MZF1: variants seen among roughly 807,000 people sequenced by gnomAD.
The protein encoded by MZF1 is myeloid zinc finger 1.
MZF1 carries 24 observed loss-of-function variants against 28.6 expected under a neutral mutation model. The observed-to-expected ratio is 0.84, with a 90% confidence interval of 0.61 to 1.18. The LOEUF (loss-of-function observed/expected upper bound fraction) is 1.18. MZF1 is among the 50% of genes most tolerant of loss of function. The pLI is 0.00. For synonymous variants in MZF1, 516 were observed against 432.5 expected, an observed-to-expected ratio of 1.19 and a Z score of -2.40; for missense variants, 1,166 against 1,026.4, an observed-to-expected ratio of 1.14 and a Z score of -1.86.
At position 58,561,998 on chromosome 19, in the gene MZF1, TA is replaced by T; in HGVS notation, c.*73del. ...CTGGGCGGACCTGCTTATACTTATG[TA>T]ATCGCCAGCCTCACAATAACCAGGG... is the stretch of plus-strand genomic sequence containing the variant. On this transcript the variant is annotated 3_prime_UTR_variant, in exon 6 of 6. Transcript: ENST00000215057. The T allele has an allele frequency of 1.4e-6, 2 of 1,449,782 alleles. No homozygotes were observed. The highest frequency in any genetic ancestry group is 9.3e-7 in the Non-Finnish European group (1 of 1,078,090). The allele number at this position is 1,449,782 out of a possible 1,614,324, so 89.8% of individuals were successfully genotyped here. A position where few individuals can be genotyped will look rare whatever the true frequency, so the allele number is the denominator to read the frequency against.
Position 58,562,756 on chromosome 19 carries a change from G to GA in MZF1, c.1520_1521insT (p.Thr508HisfsTer122), listed in dbSNP as rs1404548777. The GA allele has an allele frequency of 6.5e-7, 1 of 1,536,014 alleles. No homozygotes were observed. The highest frequency in any genetic ancestry group is 8.7e-7 in the Non-Finnish European group (1 of 1,147,262). On this transcript the variant is annotated frameshift_variant, in exon 6 of 6. Coordinates refer to ENST00000215057, the MANE Select transcript of MZF1 (RefSeq NM_198055.2). LOFTEE classifies it low-confidence loss of function (END_TRUNC). Reference sequence around the variant, plus strand: ...CGCAGCCAAAGGACTTGTCGCCCGTGTGTACCGCCTGGTGCTCCAGCAGCA... The same window carrying GA: ...CGCAGCCAAAGGACTTGTCGCCCGTGATGTACCGCCTGGTGCTCCAGCAGCA...
At chr19:58,570,727 G>A in intron 2 of MZF1, 200 bp from the exon 3 acceptor site, 1 of 673,448 alleles carries the variant, frequency 1.5e-6, no homozygotes, top group Admixed American at 2.9e-5. Context: ...CCCCTGCTCT[G>A]ACATCGTGGC....
intron 5 of MZF1, chr19:58,563,965 T>A (rs1353251777): frequency 1.3e-5 from 2 of 156,386 alleles, no homozygotes; most frequent in African/African-American, 4.8e-5. Flanking sequence ...ACAGACTTCA[T>A]GAAGGCTGTG....
chr19:58,569,162 G>C, intron 5 of MZF1, 115 bp downstream of exon 5: 3 of 1,354,158 alleles, frequency 2.2e-6, no homozygotes, highest in Non-Finnish European at 3.0e-6. Context: ...AGGGAATGGG[G>C]GAACTTGGGG....
At chr19:58,563,586 A>G in intron 5 of MZF1, 82 bp from the exon 6 acceptor site, 1 of 1,194,798 alleles carries the variant, frequency 8.4e-7, no homozygotes, top group Non-Finnish European at 1.1e-6. Context: ...ACACAGTGTG[A>G]ACTACAGGGA....
rs1257443350 is a variant in MZF1, at chr19:58,562,944, A to T, written c.1333T>A (p.Cys445Ser). Residue 445 changes from cysteine to serine, a missense_variant, in exon 6 of 6, where the codon TGC becomes AGC. Physicochemically the swap from Cys to Ser is moderately radical, Grantham distance 112 (BLOSUM62 -1). Coordinates refer to ENST00000215057, the MANE Select transcript of MZF1 (RefSeq NM_198055.2). ...TGEQPFRCAE[C>S]GQSFRQRSNL... The stretch of plus-strand genomic sequence containing the variant: ...GAGCGCTGCCGGAAGCTCTGGCCGC[A>T]CTCAGCGCAACGGAAAGGCTGTTCG... 1 of 1,598,358 alleles carries T rather than the reference A, an allele frequency of 6.3e-7. No individual in the cohort carries two copies. The highest frequency in any genetic ancestry group is 2.2e-5 in the East Asian group (1 of 44,740).
At chr19:58,572,270 G>A (rs1438727910) in intron 1 of MZF1, among the ~76,000 whole-genome samples, 1 of 152,038 alleles carries the variant, frequency 6.6e-6, no homozygotes, top group Non-Finnish European at 1.5e-5. Flanking sequence ...GTCAACCTGT[G>A]CAGTCACTTG....
intron 3 of MZF1, 31 bp downstream of exon 3, chr19:58,570,313 C>A: frequency 6.4e-7 from 1 of 1,574,608 alleles, no homozygotes; most frequent in Non-Finnish European, 8.6e-7. Flanking sequence ...CCCAACCAGA[C>A]CTTAGGCGCG....
At chr19:58,564,898 GTGTGTTTTTTTTTTTTTT>G (rs1223988963) in intron 5 of MZF1, among the ~76,000 whole-genome samples, 16 of 91,950 alleles carry the variant, frequency 1.7e-4, no homozygotes, top group African/African-American at 8.4e-4. Flanking sequence ...GCATCCATGT[GTGTGTTTTTTTTTTTTTT>G]TTTTTTTTTT....
Position 58,569,503 on chromosome 19 carries a change from G to T in MZF1, c.651+13C>A. The T allele has an allele frequency of 6.2e-7, 1 of 1,612,604 alleles. No homozygotes were observed. The highest frequency in any genetic ancestry group is 2.2e-5 in the East Asian group (1 of 44,872). On this transcript the variant is annotated intron_variant, in intron 4 of 5. Transcript: ENST00000215057. ...AGGGAAAGGAGGAGAACATGGACCT[G>T]GGCAGGACTTACCTGGGCCTCCTCA...
intron 3 of MZF1, 80 bp downstream of exon 3, chr19:58,570,264 G>T: frequency 7.0e-7 from 1 of 1,423,194 alleles, no homozygotes; most frequent in Non-Finnish European, 9.5e-7. Context: ...TGGCCCAGTG[G>T]ACTTCAGACT....
intron 5 of MZF1, among the ~76,000 whole-genome samples, chr19:58,565,889 C>A (rs1361198116): frequency 6.8e-6 from 1 of 147,966 alleles, no homozygotes; most frequent in Non-Finnish European, 1.5e-5. Context: ...GCCTGTAATC[C>A]CAGCACTTTG....
chr19:58,568,722 A>C (rs2054101859), intron 5 of MZF1: 1 of 152,698 alleles, frequency 6.5e-6, no homozygotes, highest in Admixed American at 6.5e-5. Flanking sequence ...GGGTCTCAGG[A>C]ACAGGAAGGA....
At chr19:58,569,251 G>C in intron 5 of MZF1, 26 bp downstream of exon 5, 1 of 1,570,268 alleles carries the variant, frequency 6.4e-7, no homozygotes, top group South Asian at 1.2e-5. Context: ...GGAAGGCCTA[G>C]TCCCACCACA....
chr19:58,562,404 AGGGCTTTTCGCCGGTGTGT>A lies in MZF1; in HGVS notation c.1854_1872del (p.His619ThrfsTer137), dbSNP rs746607268. 5.6e-6 allele frequency: 9 copies of A among 1,609,394 alleles called. No homozygotes were observed. Among genetic ancestry groups the A allele is most frequent in the Non-Finnish European group, 7.6e-6 (9 of 1,178,376 alleles). ...CCCAGGCCGCACTCACCGCAGTGGT[AGGGCTTTTCGCCGGTGTGT>A]GTCCTCTGATGACGCGTGAGCTTGA... On this transcript the variant is annotated frameshift_variant, in exon 6 of 6. Transcript: ENST00000215057. LOFTEE classifies it low-confidence loss of function (END_TRUNC).
In MZF1 at chr19:58,562,736, C is replaced by T; in HGVS notation, c.1541G>A (p.Gly514Asp). 1 of 1,535,918 alleles carries T rather than the reference C, an allele frequency of 6.5e-7. No homozygotes were observed. Among genetic ancestry groups the T allele is most frequent in the African/African-American group, 1.4e-5 (1 of 73,070 alleles). ...QAVHTGDKSF[G>D]CVECGERFGR... The stretch of plus-strand genomic sequence containing the variant: ...GAAGCGCTCGCCGCACTCGACGCAG[C>T]CAAAGGACTTGTCGCCCGTGTGTAC... The change falls in exon 6 of 6, where the codon GGC becomes GAC. Residue 514 changes from glycine to aspartate, a missense_variant. Physicochemically the swap from Gly to Asp is moderately conservative, Grantham distance 94. Coordinates refer to ENST00000215057, the MANE Select transcript of MZF1 (RefSeq NM_198055.2).
chr19:58,562,062 C>T lies in MZF1; in HGVS notation c.*10G>A, dbSNP rs746819911. On this transcript the variant is annotated 3_prime_UTR_variant, in exon 6 of 6. Coordinates refer to ENST00000215057, the MANE Select transcript of MZF1 (RefSeq NM_198055.2). ...CTGACCATGGCGGACACAGTGCGTC[C>T]CGGCTGGAGCTACTCGGCGCTGTGG... is the stretch of plus-strand genomic sequence containing the variant. The T allele has an allele frequency of 6.4e-6, 10 of 1,550,510 alleles. No homozygotes were observed. The highest frequency in any genetic ancestry group is 1.4e-5 in the African/African-American group (1 of 73,292).
Position 58,562,773 on chromosome 19 carries a change from C to CCAG in MZF1, c.1501_1503dup (p.Leu501dup). On this transcript the variant is annotated inframe_insertion, in exon 6 of 6. Transcript: ENST00000215057. ...TCGCCCGTGTGTACCGCCTGGTGCT[C>CCAG]CAGCAGCACGGCGCGCCGCGCGAAG... The CCAG allele has an allele frequency of 6.5e-7, 1 of 1,535,138 alleles. No individual in the cohort carries two copies. Among genetic ancestry groups the CCAG allele is most frequent in the African/African-American group, 1.4e-5 (1 of 73,082 alleles).
rs907506866 is a variant in MZF1, at chr19:58,562,201, C to T, written c.2076G>A (p.Gln692=). The stretch of plus-strand genomic sequence containing the variant: ...GCAGATGCTGCGTGAGCGTGGGCCG[C>T]TGGCGGAAGGCCTTGCCACACTCAG... ...ACPECGKAFR[Q]RPTLTQHLRT... The change falls in exon 6 of 6, where the codon CAG becomes CAA. Residue 692 remains glutamine, a synonymous_variant. Coordinates refer to ENST00000215057, the MANE Select transcript of MZF1 (RefSeq NM_198055.2). 2 of 1,608,304 alleles carry T rather than the reference C, an allele frequency of 1.2e-6. No homozygotes were observed. Among genetic ancestry groups the T allele is most frequent in the African/African-American group, 1.3e-5 (1 of 74,900 alleles).
Sources: allele counts gnomAD v4.1 joint callset (sites outside exome capture counted in the v4.1 genomes callset), GRCh38; gene constraint gnomAD v4.1.1; transcripts MANE v1.5; gene names NCBI Gene and HGNC (gene_info 2026-07-23, HGNC 2026-07-21).